The following LGSN variants were observed in gnomAD, a reference collection of about 807,000 sequenced individuals.
The protein encoded by LGSN is lengsin.
Under a neutral mutation model 19.5 loss-of-function variants are expected in LGSN, and 21 were observed. The ratio of observed to expected loss-of-function variants is 1.07; its 90% CI spans 0.76 to 1.55. LGSN has a LOEUF of 1.55. LGSN is among the 40% of genes most tolerant of loss of function. LGSN has a pLI of 0.00. For synonymous variants in LGSN, 257 were observed against 215.6 expected (o/e 1.19, Z -1.68); for missense variants, 673 against 608.5 (o/e 1.11, Z -1.12).
Position 63,281,135 on chromosome 6 carries a change from CTTATG to C in LGSN, c.411_415del (p.Asn137LysfsTer6). ...TATGTCGCTATTAAAACATGTGGCT[CTTATG>C]TTATTCATTTCATTGTCCTTTGGAT... On this transcript the variant is annotated frameshift_variant, in exon 4 of 4. Transcript: ENST00000370657. LOFTEE classifies it low-confidence loss of function (END_TRUNC). 1 of 1,613,542 alleles carries C rather than the reference CTTATG, an allele frequency of 6.2e-7. No individual in the cohort carries two copies. The highest frequency in any genetic ancestry group is 8.5e-7 in the Non-Finnish European group (1 of 1,179,882).
chr6:63,349,517 C>T, the LGSN span, among the ~76,000 whole-genome samples: 1 of 152,340 alleles, frequency 6.6e-6, no homozygotes, highest in African/African-American at 2.4e-5. Context: ...CTAAGAAAGT[C>T]TGACCTAATC....
At chr6:63,496,939 TAA>T in the LGSN span, among the ~76,000 whole-genome samples, 1 of 152,212 alleles carries the variant, frequency 6.6e-6, no homozygotes, top group Admixed American at 6.5e-5. Context: ...ACATGGATGT[TAA>T]GAGTACAAGA....
At chr6:63,436,209 A>C in the LGSN span, among the ~76,000 whole-genome samples, 2 of 152,148 alleles carry the variant, frequency 1.3e-5, no homozygotes, top group African/African-American at 4.8e-5. Context: ...TTAGCAAATG[A>C]AATACTATGT....
chr6:63,362,450 G>C, the LGSN span, among the ~76,000 whole-genome samples: 1 of 152,182 alleles, frequency 6.6e-6, no homozygotes. Context: ...TCGTAGCCAA[G>C]GGAAGCCATG....
chr6:63,425,263 T>A, the LGSN span, among the ~76,000 whole-genome samples: 1 of 152,230 alleles, frequency 6.6e-6, no homozygotes, highest in African/African-American at 2.4e-5. Flanking sequence ...ACTGTATCCC[T>A]AGGCACTTAT....
chr6:63,276,869 G>T lies in LGSN; in HGVS notation c.*3152C>A, dbSNP rs530599328. 2 of 152,288 alleles carry T rather than the reference G, an allele frequency of 1.3e-5. No individual in the cohort carries two copies. Among genetic ancestry groups the T allele is most frequent in the Admixed American group, 6.5e-5 (1 of 15,300 alleles). The allele number at this position is 152,288 out of a possible 1,614,324, so 9.4% of individuals were successfully genotyped here. A position where few individuals can be genotyped will look rare whatever the true frequency, so the allele number is the denominator to read the frequency against. On this transcript the variant is annotated 3_prime_UTR_variant, in exon 4 of 4. Transcript: ENST00000370657. ...AGCCTATGAACAGATGAAAGAAATA[G>T]AAAAATAGATAACTGATTTTTACAT...
chr6:63,333,130 G>T, the LGSN span, among the ~76,000 whole-genome samples: 3 of 152,004 alleles, frequency 2.0e-5, no homozygotes, highest in Middle Eastern at 0.01. Flanking sequence ...GGACCCGAGC[G>T]GGTTCCCCCT....
At chr6:63,359,571 T>C in the LGSN span, among the ~76,000 whole-genome samples, 2 of 152,192 alleles carry the variant, frequency 1.3e-5, no homozygotes, top group Non-Finnish European at 2.9e-5. Context: ...GGAGAGTGTA[T>C]GTGTTGAGGA....
intron 1 of LGSN, among the ~76,000 whole-genome samples, chr6:63,301,525 T>C (rs1414368249): frequency 6.6e-6 from 1 of 152,116 alleles, no homozygotes; most frequent in East Asian, 1.9e-4. Context: ...AAAAGGATTA[T>C]GGAAATCTTG....
chr6:63,349,126 G>A, the LGSN span, among the ~76,000 whole-genome samples: 1 of 152,314 alleles, frequency 6.6e-6, no homozygotes, highest in East Asian at 1.9e-4. Flanking sequence ...AGAAACAGGA[G>A]TCCTTTAGAC....
the LGSN span, among the ~76,000 whole-genome samples, chr6:63,504,199 C>T: frequency 6.0e-5 from 9 of 149,596 alleles, no homozygotes; most frequent in Admixed American, 4.7e-4. Flanking sequence ...AGTGCAGTGG[C>T]GATCTCGGCT....
rs1767229031 is a variant in LGSN at position 63,280,065 on chromosome 6, C to G, written c.1486G>C (p.Glu496Gln). Residue 496 changes from glutamate to glutamine, a missense_variant, in exon 4 of 4, where the codon GAA (glutamate) becomes CAA (glutamine). Glu to Gln is a conservative substitution (Grantham distance 29, BLOSUM62 2). Coordinates refer to ENST00000370657, the MANE Select transcript of LGSN (RefSeq NM_016571.3). ...AATTTATTTCTCTCTGCAGCTATTT[C>G]TTCATTCTCCAACTCATATTTCTTC... Reference protein sequence around the residue: ...AMKKYELENEEIAAERNKFLE... With the variant: ...AMKKYELENEQIAAERNKFLE... 3.1e-6 allele frequency: 5 copies of G among 1,612,064 alleles called. No individual in the cohort carries two copies. The highest frequency in any genetic ancestry group is 3.3e-4 in the Middle Eastern group (2 of 6,046).
the LGSN span, among the ~76,000 whole-genome samples, chr6:63,339,799 T>C: frequency 6.6e-6 from 1 of 152,188 alleles, no homozygotes; most frequent in Non-Finnish European, 1.5e-5. Flanking sequence ...TGGTTTTCTG[T>C]AATGATAACT....
At chr6:63,375,060 C>G in the LGSN span, among the ~76,000 whole-genome samples, 5 of 152,124 alleles carry the variant, frequency 3.3e-5, no homozygotes, top group Non-Finnish European at 7.4e-5. Context: ...CTATAAGACT[C>G]TATTGTTATT....
chr6:63,522,862 CTTTTTT>C, the LGSN span, among the ~76,000 whole-genome samples: 2 of 126,428 alleles, frequency 1.6e-5, no homozygotes, highest in Non-Finnish European at 1.7e-5. Context: ...GACTAAATCA[CTTTTTT>C]TTTTTTTTTT....
At chr6:63,345,730 T>C in the LGSN span, among the ~76,000 whole-genome samples, 1 of 152,184 alleles carries the variant, frequency 6.6e-6, no homozygotes, top group South Asian at 2.1e-4. Flanking sequence ...ATGGCGACCT[T>C]ACTCCAAGAA....
the LGSN span, among the ~76,000 whole-genome samples, chr6:63,461,634 G>A: frequency 4.6e-5 from 7 of 152,128 alleles, no homozygotes; most frequent in South Asian, 8.3e-4. Flanking sequence ...CAGTTTTACA[G>A]ATGGAAAAAC....
At chr6:63,381,135 G>A in the LGSN span, among the ~76,000 whole-genome samples, 10,562 of 152,240 alleles carry the variant, frequency 0.069, 608 homozygotes, top group African/African-American at 0.16. Context: ...CCAGGAGGTC[G>A]AGGCTGCAGT....
chr6:63,304,565 T>C (rs554536863), intron 1 of LGSN, among the ~76,000 whole-genome samples: 4 of 152,324 alleles, frequency 2.6e-5, no homozygotes, highest in African/African-American at 9.6e-5. Context: ...ATGAACAGGC[T>C]GCTTAATTAA....
Sources: gnomAD v4.1 joint callset for allele counts (sites outside exome capture counted in the v4.1 genomes callset) on GRCh38, gnomAD v4.1.1 for gene constraint, MANE v1.5 for transcripts, NCBI Gene and HGNC (gene_info 2026-07-23, HGNC 2026-07-21) for gene names.